CYP4F11: variants seen among roughly 807,000 people sequenced by gnomAD.
The protein encoded by CYP4F11 is cytochrome P450 family 4 subfamily F member 11, also known as cytochrome P450 4F11.
Under a neutral mutation model 62.2 loss-of-function variants are expected in CYP4F11, and 79 were observed. That is an observed-to-expected ratio of 1.27 (90% CI 1.06 to 1.53). The LOEUF is 1.53. CYP4F11 is among the 40% of genes most tolerant of loss of function. CYP4F11 has a pLI of 0.00. For missense variants in CYP4F11, 777 were observed against 680.5 expected, an observed-to-expected ratio of 1.14 and a Z score of -1.58; for synonymous variants, 290 against 263.7, an observed-to-expected ratio of 1.10 and a Z score of -0.97.
At chr19:15,921,896 A>C in intron 8 of CYP4F11, 141 bp downstream of exon 8, 1 of 1,116,366 alleles carries the variant, frequency 9.0e-7, no homozygotes, top group South Asian at 2.5e-5. Context: ...CTGGCTGTGT[A>C]TTAAGCCCTG....
intron 8 of CYP4F11, among the ~76,000 whole-genome samples, chr19:15,916,687 AATC>A (rs890801636): frequency 6.6e-6 from 1 of 152,194 alleles, no homozygotes; most frequent in African/African-American, 2.4e-5. Context: ...GCTCATCACT[AATC>A]ATCAGGGAAA....
intron 4 of CYP4F11, among the ~76,000 whole-genome samples, chr19:15,925,837 G>A (rs2089665007): frequency 1.3e-5 from 2 of 151,042 alleles, no homozygotes; most frequent in African/African-American, 4.9e-5. Flanking sequence ...GACTGCTCCT[G>A]GACACATATC....
upstream of CYP4F11, chr19:15,934,558 A>C: frequency 2.2e-6 from 2 of 919,554 alleles, no homozygotes; most frequent in Non-Finnish European, 3.1e-6. Context: ...CTGAGATCTA[A>C]AGTCCAGAAA....
chr19:15,931,090 G>GGAATGAGTGAGTGAGGAGAGGAATGAGT (rs1568256939), intron 1 of CYP4F11, among the ~76,000 whole-genome samples: 1 of 150,210 alleles, frequency 6.7e-6, no homozygotes, highest in African/African-American at 2.5e-5. Flanking sequence ...AAAAGAGAAG[G>GGAATGAGTGAGTGAGGAGAGGAATGAGT]GAGTGGCCAA....
chr19:15,922,198 G>A (rs2089634765), intron 7 of CYP4F11, 32 bp from the exon 8 acceptor site: 2 of 1,602,780 alleles, frequency 1.2e-6, no homozygotes, highest in Admixed American at 1.7e-5. Context: ...CTGGGTTTCT[G>A]GGCTGCTTCA....
At chr19:15,919,413 CGGATGGATGGATGGATGGAT>C (rs56657452) in intron 8 of CYP4F11, among the ~76,000 whole-genome samples, 2 of 144,506 alleles carry the variant, frequency 1.4e-5, no homozygotes, top group Admixed American at 7.0e-5. Flanking sequence ...GATGGATGGA[CGGATGGATGGATGGATGGAT>C]GGATGGATGG....
intron 1 of CYP4F11, among the ~76,000 whole-genome samples, chr19:15,931,610 G>A (rs2089722623): frequency 2.0e-5 from 2 of 98,952 alleles, no homozygotes; most frequent in African/African-American, 4.6e-5. Context: ...GTGAGGAGAG[G>A]AATGAGTGAG....
chr19:15,929,363 C>A (rs1335359639), intron 2 of CYP4F11, 94 bp downstream of exon 2: 6 of 1,529,360 alleles, frequency 3.9e-6, no homozygotes, highest in Non-Finnish European at 5.4e-6. Context: ...GGGGCCTGGG[C>A]CCTGCAGGGG....
rs761432456 is a variant in CYP4F11 at position 15,913,727 on chromosome 19, G to C, written c.*5C>G. ...TCTACAGAGGTGGGTGGGTGGGTAG[G>C]ACAGTCACTGTGAGTTCGCACCCAG... is the stretch of plus-strand genomic sequence containing the variant. On this transcript the variant is annotated 3_prime_UTR_variant, in exon 12 of 12. Coordinates refer to ENST00000402119, the MANE Select transcript of CYP4F11 (RefSeq NM_021187.4). The C allele has an allele frequency of 1.2e-6, 2 of 1,614,014 alleles. No homozygotes were observed. The highest frequency in any genetic ancestry group is 4.5e-5 in the East Asian group (2 of 44,874).
intron 4 of CYP4F11, among the ~76,000 whole-genome samples, chr19:15,925,713 T>C (rs4808008): frequency 1.0e-5 from 1 of 96,456 alleles, no homozygotes; most frequent in African/African-American, 4.1e-5. Flanking sequence ...CACACACATA[T>C]ATATATACAT....
rs759800498 is a variant in CYP4F11, at chr19:15,913,721, G to A, written c.*11C>T. ...TGGGACTCTACAGAGGTGGGTGGGTGGGTAGGACAGTCACTGTGAGTTCGC... is the reference window on the plus strand; with the variant it reads ...TGGGACTCTACAGAGGTGGGTGGGTAGGTAGGACAGTCACTGTGAGTTCGC... On this transcript the variant is annotated 3_prime_UTR_variant, in exon 12 of 12. Coordinates refer to ENST00000402119, the MANE Select transcript of CYP4F11 (RefSeq NM_021187.4). 6.8e-6 allele frequency: 11 copies of A among 1,613,878 alleles called. No individual in the cohort carries two copies. The Admixed American group carries it at 1.0e-4, about 15-fold the overall frequency.
chr19:15,926,696 G>A (rs530235542), intron 4 of CYP4F11, among the ~76,000 whole-genome samples: 12 of 152,302 alleles, frequency 7.9e-5, no homozygotes, highest in African/African-American at 2.9e-4. Flanking sequence ...AAAAGTCCAG[G>A]TGTCACAGCT....
intron 7 of CYP4F11, 57 bp downstream of exon 7, chr19:15,922,307 C>A: frequency 6.2e-7 from 1 of 1,608,964 alleles, no homozygotes; most frequent in Admixed American, 1.7e-5. Flanking sequence ...CCACCCACTA[C>A]GTTCCTGGGA....
intron 11 of CYP4F11, 121 bp from the exon 12 acceptor site, chr19:15,914,030 G>A (rs936376333): frequency 2.3e-6 from 3 of 1,286,870 alleles, no homozygotes; most frequent in African/African-American, 1.5e-5. Flanking sequence ...AGAAAGAGGG[G>A]ATAAGTGTCC....
At position 15,917,958 on chromosome 19, in the gene CYP4F11, A is replaced by C. The variant is rs141797084; in HGVS notation, c.1116-3063T>G. 5.1e-4 allele frequency among the ~76,000 whole-genome samples: 78 copies of C among 152,330 alleles called. 2 individuals are homozygous for C. The East Asian group carries it at 0.014, about 26-fold the overall frequency. ...TGGGTATAGATCCAAATGAATATAA[A>C]TCATTCTGTTATAAAGATATATGCA... On this transcript the variant is annotated intron_variant, in intron 8 of 11. Transcript: ENST00000402119.
Position 15,913,806 on chromosome 19 carries a change from TC to T in CYP4F11, c.1500del (p.Lys501AsnfsTer4), listed in dbSNP as rs1335378657. 3.7e-6 allele frequency: 6 copies of T among 1,614,088 alleles called. No homozygotes were observed. Among genetic ancestry groups the T allele is most frequent in the Non-Finnish European group, 5.1e-6 (6 of 1,180,038 alleles). ...TCTGCGCGCAATATCAGCTCGGGTT[TC>T]CTGCGGGGTTCAGTGTGGGTCGGCA... ...RILPTHTEPR[R>X]KPELILRAEG... On this transcript the variant is annotated frameshift_variant, in exon 12 of 12. Coordinates refer to ENST00000402119, the MANE Select transcript of CYP4F11 (RefSeq NM_021187.4). LOFTEE classifies it high-confidence loss of function.
intron 5 of CYP4F11, 103 bp downstream of exon 5, chr19:15,924,658 T>C: frequency 7.2e-7 from 1 of 1,383,934 alleles, no homozygotes; most frequent in Non-Finnish European, 1.0e-6. Flanking sequence ...ACACAGAAAG[T>C]GCCTTCAGAA....
At position 15,923,960 on chromosome 19, in the gene CYP4F11, C is replaced by T. The variant is rs771046979; in HGVS notation, c.770G>A (p.Arg257His). ...YYLTPDGQRF[R>H]RACHLVHDFT... ...GTCGTGCACCAGGTGGCAGGCCCTG[C>T]GGAAGCGCTGCCCATCAGGAGTGAG... The change falls in exon 6 of 12, where the codon CGC (arginine) becomes CAC (histidine). Residue 257 changes from arginine (R) to histidine (H), a missense_variant. Physicochemically the swap from Arg to His is conservative, Grantham distance 29. Transcript: ENST00000402119. The T allele has an allele frequency of 1.7e-5, 27 of 1,614,072 alleles. 1 individual carries two copies. The highest frequency in any genetic ancestry group is 8.9e-5 in the East Asian group (4 of 44,890).
chr19:15,919,497 TAGATAGATAGATAGATAGATAGATAGAC>T (rs2145041830), intron 8 of CYP4F11, among the ~76,000 whole-genome samples: 1 of 148,848 alleles, frequency 6.7e-6, no homozygotes, highest in Admixed American at 6.8e-5. Flanking sequence ...GATAGATAGA[TAGATAGATAGATAGATAGATAGATAGAC>T]AGATAGATAA....
Sources: allele counts gnomAD v4.1 joint callset (sites outside exome capture counted in the v4.1 genomes callset), GRCh38; gene constraint gnomAD v4.1.1; transcripts MANE v1.5; gene names NCBI Gene and HGNC (gene_info 2026-07-23, HGNC 2026-07-21).